The following WWC2 variants were observed in gnomAD, a reference collection of about 807,000 sequenced individuals.
WWC2 encodes the protein protein WWC2.
A neutral mutation model predicts 138.5 loss-of-function variants in WWC2; 101 were observed. The observed-to-expected ratio is 0.73, with a 90% CI of 0.62 to 0.86. The LOEUF is 0.86. Ranked by LOEUF, WWC2 falls within the 40% of genes least tolerant of loss-of-function variation. The probability of loss-of-function intolerance (pLI) is 0.00; values close to 1 mark genes in which losing one functional copy is unlikely to be tolerated. For missense variants in WWC2, 1,420 were observed against 1,419.4 expected (o/e 1.00, Z -0.01); for synonymous variants, 558 against 538.4 (o/e 1.04, Z -0.50).
chr4:183,103,800 AT>A (rs1306579551), intron 1 of WWC2, among the ~76,000 whole-genome samples: 3 of 140,808 alleles, frequency 2.1e-5, no homozygotes, highest in East Asian at 4.3e-4. Flanking sequence ...TACCCAGATA[AT>A]TTTTTTGTAT....
intron 1 of WWC2, among the ~76,000 whole-genome samples, chr4:183,101,717 C>T (rs533616456): frequency 6.6e-6 from 1 of 152,306 alleles, no homozygotes; most frequent in African/African-American, 2.4e-5. Context: ...TTGTTACACA[C>T]TTACCAAACA....
rs1341732072 is a variant in WWC2 at position 183,243,743 on chromosome 4, G to A, written c.603-1673G>A. 7.1e-5 allele frequency among the ~76,000 whole-genome samples: 3 copies of A among 42,506 alleles called. 1 individual carries two copies. Among genetic ancestry groups the A allele is most frequent in the Admixed American group, 3.9e-4 (1 of 2,564 alleles). 27.9% of individuals were successfully genotyped at this position (42,506 alleles called of 152,430 possible). A position where few individuals can be genotyped will look rare whatever the true frequency, so the allele number is the denominator to read the frequency against. ...GCCCTCCCCATTCTAAACACTGTGT[G>A]TGTGTGTGTGTGTGTGTGTGTGTGT... On this transcript the variant is annotated intron_variant, in intron 5 of 22. Coordinates refer to ENST00000403733, the MANE Select transcript of WWC2 (RefSeq NM_024949.6).
intron 1 of WWC2, among the ~76,000 whole-genome samples, chr4:183,132,489 T>C (rs1011458121): frequency 2.0e-5 from 3 of 151,834 alleles, no homozygotes; most frequent in Admixed American, 6.6e-5. Flanking sequence ...AGTCTCGCTC[T>C]GTCGCCCAGG....
chr4:183,207,297 CTGTT>C (rs1442531977), intron 2 of WWC2, among the ~76,000 whole-genome samples: 1 of 151,926 alleles, frequency 6.6e-6, no homozygotes, highest in African/African-American at 2.4e-5. Context: ...GACCAGGGTT[CTGTT>C]TGTTTGTTTA....
chr4:183,307,060 C>T (rs1739046671), intron 21 of WWC2, among the ~76,000 whole-genome samples: 1 of 152,132 alleles, frequency 6.6e-6, no homozygotes, highest in Non-Finnish European at 1.5e-5. Context: ...AGATGGCACA[C>T]TCTGCTTAAG....
intron 4 of WWC2, among the ~76,000 whole-genome samples, chr4:183,236,947 G>A (rs920846692): frequency 1.6e-4 from 24 of 151,914 alleles, no homozygotes; most frequent in African/African-American, 5.6e-4. Flanking sequence ...ATGTTTTATA[G>A]CAGGGTTGTT....
chr4:183,145,650 AC>A (rs1242374587), intron 1 of WWC2, among the ~76,000 whole-genome samples: 1 of 152,224 alleles, frequency 6.6e-6, no homozygotes, highest in Non-Finnish European at 1.5e-5. Flanking sequence ...AGGAAGAAGA[AC>A]TGTTTTCCCC....
chr4:183,272,721 T>C (rs1737729140), intron 16 of WWC2, among the ~76,000 whole-genome samples: 1 of 152,238 alleles, frequency 6.6e-6, no homozygotes, highest in South Asian at 2.1e-4. Context: ...ATATTTGTTC[T>C]TTTGTGGCAT....
At chr4:183,307,814 T>C (rs1739072329) in intron 21 of WWC2, among the ~76,000 whole-genome samples, 2 of 152,156 alleles carry the variant, frequency 1.3e-5, no homozygotes, top group South Asian at 4.1e-4. Context: ...AGTAAAACTG[T>C]CCCTCTCACA....
At position 183,207,939 on chromosome 4, in the gene WWC2, C is replaced by A; in HGVS notation, c.242-14C>A. ...GTTAAATTCTAAAAAGTACCCTCCA[C>A]CTAATGTTTTCAGAAACCACGCAGA... On this transcript the variant is annotated splice_polypyrimidine_tract_variant and intron_variant, in intron 2 of 22. Coordinates refer to ENST00000403733, the MANE Select transcript of WWC2 (RefSeq NM_024949.6). The A allele has an allele frequency of 1.3e-6, 2 of 1,597,578 alleles. No homozygotes were observed. Among genetic ancestry groups the A allele is most frequent in the South Asian group, 2.3e-5 (2 of 87,856 alleles).
chr4:183,266,403 A>G (rs1422473761), intron 14 of WWC2, among the ~76,000 whole-genome samples: 1 of 152,202 alleles, frequency 6.6e-6, no homozygotes, highest in Admixed American at 6.5e-5. Flanking sequence ...ATCATCAAGC[A>G]TTTACTTCCC....
intron 21 of WWC2, among the ~76,000 whole-genome samples, chr4:183,303,538 C>T (rs1738928115): frequency 6.6e-6 from 1 of 152,126 alleles, no homozygotes; most frequent in African/African-American, 2.4e-5. Flanking sequence ...CAGTCCTCAC[C>T]GTGAATTACA....
chr4:183,278,280 A>G (rs971455908), intron 16 of WWC2, among the ~76,000 whole-genome samples: 4 of 152,100 alleles, frequency 2.6e-5, no homozygotes, highest in African/African-American at 7.2e-5. Context: ...CAAAGATCAG[A>G]TAGTTGTAGA....
At position 183,259,766 on chromosome 4, in the gene WWC2, C is replaced by T. The variant is rs140294738; in HGVS notation, c.1286+38C>T. ...GATTTTTGAGGGGAAAGCTTTTCTC[C>T]GAATAGCATGTTCTTGTTCATCTTT... On this transcript the variant is annotated intron_variant, in intron 10 of 22. Coordinates refer to ENST00000403733, the MANE Select transcript of WWC2 (RefSeq NM_024949.6). 26 of 1,353,092 alleles carry T rather than the reference C, an allele frequency of 1.9e-5. No individual in the cohort carries two copies. The East Asian group carries it at 2.3e-4, about 12-fold the overall frequency. The allele number at this position is 1,353,092 out of a possible 1,614,324, so 83.8% of individuals were successfully genotyped here.
chr4:183,248,398 A>G (rs1448516953), intron 6 of WWC2, among the ~76,000 whole-genome samples: 1 of 152,192 alleles, frequency 6.6e-6, no homozygotes, highest in Non-Finnish European at 1.5e-5. Context: ...TCCTATTGAA[A>G]TAGAGATAAC....
chr4:183,263,880 G>A (rs1164405020), intron 11 of WWC2, among the ~76,000 whole-genome samples: 4 of 152,204 alleles, frequency 2.6e-5, no homozygotes, highest in Non-Finnish European at 1.5e-5. Context: ...CAGTGCTCTA[G>A]AGGCTTAGGC....
rs1262279407 is a variant in WWC2, at chr4:183,318,472, G to GAAA, written c.*2748_*2750dup. The GAAA allele has an allele frequency of 7.5e-6, 1 of 133,806 alleles. No individual in the cohort carries two copies. The highest frequency in any genetic ancestry group is 1.6e-5 in the Non-Finnish European group (1 of 62,376). The allele number at this position is 133,806 out of a possible 1,614,324, so 8.3% of individuals were successfully genotyped here. On this transcript the variant is annotated 3_prime_UTR_variant, in exon 23 of 23. Coordinates refer to ENST00000403733, the MANE Select transcript of WWC2 (RefSeq NM_024949.6). ...TGCACTTTCCATGTGTTTGTGGGTG[G>GAAA]AAAAAAATTCAGTGGTTTTTTTTAA...
chr4:183,145,763 A>G (rs1328142569), intron 1 of WWC2, among the ~76,000 whole-genome samples: 1 of 152,264 alleles, frequency 6.6e-6, no homozygotes, highest in Non-Finnish European at 1.5e-5. Flanking sequence ...GCAGAGAAAC[A>G]GAACAGTTGT....
At chr4:183,310,861 A>G (rs56394078) in intron 21 of WWC2, among the ~76,000 whole-genome samples, 3,090 of 150,500 alleles carry the variant, frequency 0.021, 108 homozygotes, top group African/African-American at 0.072. Flanking sequence ...AGCAACAGTA[A>G]TAGCTTCATT....
Sources: gnomAD v4.1 joint callset for allele counts (sites outside exome capture counted in the v4.1 genomes callset) on GRCh38, gnomAD v4.1.1 for gene constraint, MANE v1.5 for transcripts, NCBI Gene and HGNC (gene_info 2026-07-23, HGNC 2026-07-21) for gene names.